Variants in CEP350 observed in about 807,000 individuals in gnomAD.
The protein encoded by CEP350 is centrosomal protein 350, also known as centrosome-associated protein 350.
A neutral mutation model predicts 331.8 loss-of-function variants in CEP350; 126 were observed. That is an observed-to-expected ratio of 0.38 (90% CI 0.33 to 0.44). CEP350 has a LOEUF of 0.44. CEP350 is among the 20% of genes least tolerant of loss of function. The pLI is 1.00. For synonymous variants in CEP350, 1,200 were observed against 1,259.5 expected (o/e 0.95, Z 1.00); for missense variants, 3,406 against 3,634.6 (o/e 0.94, Z 1.62).
In CEP350 at chr1:180,066,288, A is replaced by C. The variant is rs79112324; in HGVS notation, c.5567+1016A>C. 5.4e-3 allele frequency among the ~76,000 whole-genome samples: 824 copies of C among 152,258 alleles called. 11 individuals carry two copies. The highest frequency in any genetic ancestry group is 0.018 in the African/African-American group (768 of 41,568). ...CCTCTGTAACCTCCACCCCATATCTAGCTTCCTCGAAACCCATTAAATATG... is the reference window on the plus strand; with the variant it reads ...CCTCTGTAACCTCCACCCCATATCTCGCTTCCTCGAAACCCATTAAATATG... On this transcript the variant is annotated intron_variant, in intron 27 of 37. Transcript: ENST00000367607.
intron 37 of CEP350, among the ~76,000 whole-genome samples, chr1:180,099,720 A>T (rs1660684700): frequency 6.6e-6 from 1 of 152,002 alleles, no homozygotes; most frequent in Non-Finnish European, 1.5e-5. Context: ...ACTCAGTAAT[A>T]ACTGTACTAG....
At chr1:179,988,622 T>C (rs770084191) in intron 3 of CEP350, among the ~76,000 whole-genome samples, 1 of 152,180 alleles carries the variant, frequency 6.6e-6, no homozygotes, top group Non-Finnish European at 1.5e-5. Context: ...GTCTAAAGTT[T>C]AGGAATCCAA....
chr1:179,969,032 C>G, intron 1 of CEP350: 1 of 747,532 alleles, frequency 1.3e-6, no homozygotes, highest in Non-Finnish European at 2.5e-6. Flanking sequence ...CCACCAGCCT[C>G]AAACTGAAGC....
At chr1:180,058,711 C>T (rs187357592) in intron 25 of CEP350, among the ~76,000 whole-genome samples, 58 of 152,238 alleles carry the variant, frequency 3.8e-4, no homozygotes, top group Non-Finnish European at 7.5e-4. Flanking sequence ...TTTTGTAATA[C>T]TTAAGAATTT....
intron 14 of CEP350, among the ~76,000 whole-genome samples, chr1:180,025,612 G>A (rs1231804715): frequency 6.6e-6 from 1 of 152,170 alleles, no homozygotes; most frequent in Non-Finnish European, 1.5e-5. Flanking sequence ...TTTTCTGGAA[G>A]CTGGAAGCTG....
intron 1 of CEP350, among the ~76,000 whole-genome samples, chr1:179,960,178 A>ACACCCACC (rs1313031255): frequency 6.8e-6 from 1 of 147,764 alleles, no homozygotes; most frequent in African/African-American, 2.5e-5. Context: ...AGACACACAC[A>ACACCCACC]CACCCACCCA....
intron 28 of CEP350, among the ~76,000 whole-genome samples, chr1:180,077,369 T>C (rs971643129): frequency 6.6e-5 from 5 of 75,576 alleles, no homozygotes; most frequent in Non-Finnish European, 1.7e-4. Context: ...AGAATTTTAT[T>C]AGGAGACATT....
intron 29 of CEP350, 149 bp from the exon 30 acceptor site, chr1:180,080,368 A>G: frequency 1.5e-6 from 1 of 678,544 alleles, no homozygotes; most frequent in Non-Finnish European, 2.4e-6. Context: ...CCCAGGTTGA[A>G]TAATTTGTAA....
intron 27 of CEP350, among the ~76,000 whole-genome samples, chr1:180,073,459 G>T (rs1387753742): frequency 1.3e-5 from 2 of 152,126 alleles, no homozygotes; most frequent in African/African-American, 4.8e-5. Context: ...TGTACTGTCT[G>T]TTAAAGCTTA....
At chr1:180,011,834 A>T in intron 8 of CEP350, 95 bp from the exon 9 acceptor site, 1 of 790,744 alleles carries the variant, frequency 1.3e-6, no homozygotes, top group Non-Finnish European at 2.0e-6. Flanking sequence ...TTGACAGATG[A>T]ACATAAGATT....
At position 180,044,165 on chromosome 1, in the gene CEP350, T is replaced by G. The variant is rs1339610579; in HGVS notation, c.4614T>G (p.His1538Gln). 1 of 1,562,190 alleles carries G rather than the reference T, an allele frequency of 6.4e-7. No homozygotes were observed. Among genetic ancestry groups the G allele is most frequent in the African/African-American group, 1.4e-5 (1 of 73,592 alleles). Residue 1538 changes from histidine (H) to glutamine (Q), a missense_variant, in exon 21 of 38, where the codon CAT becomes CAG. Physicochemically the swap from His to Gln is conservative, Grantham distance 24. Transcript: ENST00000367607. ...CTGAGTCTTCAGGATACAAGAATCA[T>G]GATAGAAGGTGAAGACAATTTGATT... Reference protein sequence around the residue: ...SYSESSGYKNHDRRSSSGSSR... With the variant: ...SYSESSGYKNQDRRSSSGSSR...
At chr1:179,991,957 C>A in intron 4 of CEP350, 105 bp from the exon 5 acceptor site, 2 of 1,076,710 alleles carry the variant, frequency 1.9e-6, no homozygotes, top group Non-Finnish European at 2.5e-6. Flanking sequence ...TAATATCCAA[C>A]TATTAGAAAT....
intron 27 of CEP350, among the ~76,000 whole-genome samples, chr1:180,072,365 ATAT>A (rs1243708829): frequency 6.6e-6 from 1 of 152,118 alleles, no homozygotes; most frequent in Non-Finnish European, 1.5e-5. Context: ...ACGTGTTCCA[ATAT>A]TATTTTACTT....
rs1351263773 is a variant in CEP350 at position 180,014,370 on chromosome 1, C to G, written c.1917C>G (p.Ala639=). ...LQELYRKQKE[A]FTKVKNVPPS... is the part of the protein sequence containing the mutation. ...AGCTCTACCGGAAGCAGAAGGAAGC[C>G]TTTACTAAAGTAAAAAATGTCCCTC... Residue 639 remains alanine (A), a synonymous_variant, in exon 10 of 38, where the codon GCC becomes GCG. Transcript: ENST00000367607. 1 of 1,594,490 alleles carries G rather than the reference C, an allele frequency of 6.3e-7. No individual in the cohort carries two copies. Among genetic ancestry groups the G allele is most frequent in the African/African-American group, 1.3e-5 (1 of 74,562 alleles).
At chr1:180,011,505 G>A (rs936525685) in intron 8 of CEP350, among the ~76,000 whole-genome samples, 2 of 151,996 alleles carry the variant, frequency 1.3e-5, no homozygotes, top group Non-Finnish European at 2.9e-5. Context: ...AGTGGGGTGC[G>A]ATCTCAGCTC....
intron 14 of CEP350, among the ~76,000 whole-genome samples, chr1:180,029,540 A>G (rs1414251765): frequency 1.3e-5 from 2 of 152,180 alleles, no homozygotes; most frequent in Non-Finnish European, 2.9e-5. Context: ...ATACTGTTGT[A>G]CAATCATCCC....
chr1:179,959,076 A>G (rs1226992560), intron 1 of CEP350, among the ~76,000 whole-genome samples: 1 of 151,400 alleles, frequency 6.6e-6, no homozygotes, highest in African/African-American at 2.4e-5. Flanking sequence ...AAATAGTGAT[A>G]TAAATGTATT....
chr1:180,029,852 C>T (rs1178932764), intron 14 of CEP350, among the ~76,000 whole-genome samples: 1 of 152,106 alleles, frequency 6.6e-6, no homozygotes, highest in Non-Finnish European at 1.5e-5. Flanking sequence ...CACCTAGTGA[C>T]AACTGTTTTA....
At chr1:180,057,912 G>T (rs1657959625) in intron 25 of CEP350, among the ~76,000 whole-genome samples, 1 of 152,160 alleles carries the variant, frequency 6.6e-6, no homozygotes. Flanking sequence ...TAACTCCTTA[G>T]CCCTCTATGT....
Sources: gnomAD v4.1 joint callset for allele counts (sites outside exome capture counted in the v4.1 genomes callset) on GRCh38, gnomAD v4.1.1 for gene constraint, MANE v1.5 for transcripts, NCBI Gene and HGNC (gene_info 2026-07-23, HGNC 2026-07-21) for gene names.